ADGRV1: variants seen among roughly 807,000 people sequenced by gnomAD.
The protein encoded by ADGRV1 is adhesion G protein-coupled receptor V1.
A neutral mutation model predicts 596.2 loss-of-function variants in ADGRV1; 359 were observed. The ratio of observed to expected loss-of-function variants is 0.60; its 90% CI spans 0.55 to 0.66. The LOEUF is 0.66. Among genes scored for constraint, ADGRV1 ranks in the 30% least tolerant of loss-of-function variants. The pLI is 0.00. For synonymous variants in ADGRV1, 2,681 were observed against 2,679.2 expected, an observed-to-expected ratio of 1.00 and a Z score of -0.02; for missense variants, 7,274 against 7,575.6, an observed-to-expected ratio of 0.96 and a Z score of 1.48.
At chr5:91,005,834 T>A (rs1176946711) in intron 85 of ADGRV1, among the ~76,000 whole-genome samples, 1 of 152,168 alleles carries the variant, frequency 6.6e-6, no homozygotes, top group Non-Finnish European at 1.5e-5. Context: ...ACCAGTTATA[T>A]CATTTACCCC....
chr5:90,809,185 T>C (rs573383060), intron 73 of ADGRV1, among the ~76,000 whole-genome samples: 100 of 151,738 alleles, frequency 6.6e-4, no homozygotes, highest in African/African-American at 2.3e-3. Context: ...CTCGATCTCC[T>C]GACCTCGTGA....
intron 87 of ADGRV1, among the ~76,000 whole-genome samples, chr5:91,107,933 A>C (rs1792035084): frequency 6.6e-6 from 1 of 152,190 alleles, no homozygotes; most frequent in Admixed American, 6.5e-5. Context: ...ATAAGAAAAA[A>C]TTTTGGTCTC....
chr5:90,780,767 C>T (rs918655816), intron 64 of ADGRV1, among the ~76,000 whole-genome samples: 1 of 152,030 alleles, frequency 6.6e-6, no homozygotes. Context: ...GTGGCACAAT[C>T]ATAGCTCACT....
chr5:90,568,003 A>G (rs972047805), intron 1 of ADGRV1, among the ~76,000 whole-genome samples: 18 of 151,934 alleles, frequency 1.2e-4, no homozygotes, highest in African/African-American at 4.3e-4. Context: ...CTCCCAAAGT[A>G]TTGGGATTAC....
At chr5:91,059,522 ATCTG>A (rs750628297) in intron 85 of ADGRV1, among the ~76,000 whole-genome samples, 6 of 152,206 alleles carry the variant, frequency 3.9e-5, no homozygotes, top group Non-Finnish European at 8.8e-5. Flanking sequence ...CTCTCTTGAC[ATCTG>A]TCTATCTAGC....
intron 87 of ADGRV1, among the ~76,000 whole-genome samples, chr5:91,104,863 T>TC (rs1554224650): frequency 6.9e-6 from 1 of 145,904 alleles, no homozygotes; most frequent in Non-Finnish European, 1.5e-5. Flanking sequence ...TTCTTTTCTT[T>TC]TTTTTTTTTT....
At chr5:90,875,000 A>G (rs375917175) in intron 83 of ADGRV1, among the ~76,000 whole-genome samples, 2 of 152,200 alleles carry the variant, frequency 1.3e-5, no homozygotes, top group South Asian at 2.1e-4. Flanking sequence ...AGCACTTCCT[A>G]TATTCTCAAT....
intron 85 of ADGRV1, among the ~76,000 whole-genome samples, chr5:91,060,388 A>G (rs201048278): frequency 6.4e-3 from 265 of 41,278 alleles, no homozygotes; most frequent in Non-Finnish European, 9.3e-3. Context: ...GTATATATAT[A>G]TATATATATA....
At chr5:91,036,732 A>G (rs1353500917) in intron 85 of ADGRV1, among the ~76,000 whole-genome samples, 1 of 151,994 alleles carries the variant, frequency 6.6e-6, no homozygotes, top group Non-Finnish European at 1.5e-5. Context: ...CAAAAACTAT[A>G]TATATTATTA....
At chr5:90,804,609 A>G (rs1761726272) in intron 71 of ADGRV1, among the ~76,000 whole-genome samples, 1 of 152,204 alleles carries the variant, frequency 6.6e-6, no homozygotes, top group African/African-American at 2.4e-5. Context: ...GGTATCCCAA[A>G]TTTATAGCTA....
In ADGRV1 at chr5:90,712,367, A is replaced by G; in HGVS notation, c.9123A>G (p.Glu3041=). 1 of 1,581,124 alleles carries G rather than the reference A, an allele frequency of 6.3e-7. No individual in the cohort carries two copies. The highest frequency in any genetic ancestry group is 1.2e-5 in the South Asian group (1 of 86,954). ...ILDDDIPEGD[E]KFQLILTNPS... The stretch of plus-strand genomic sequence containing the variant: ...ATGATGACATTCCAGAAGGAGATGA[A>G]AAATTTCAGCTGATTTTAACAAATC... The change falls in exon 42 of 90, where the codon GAA becomes GAG. Residue 3041 remains glutamate, a synonymous_variant. Transcript: ENST00000405460.
chr5:90,635,316 G>A, intron 10 of ADGRV1, 26 bp downstream of exon 10: 3 of 1,575,556 alleles, frequency 1.9e-6, no homozygotes, highest in South Asian at 1.2e-5. Context: ...CTTACTGATG[G>A]GGGCTAATGA....
intron 1 of ADGRV1, among the ~76,000 whole-genome samples, chr5:90,567,032 CT>C: frequency 6.6e-6 from 1 of 151,848 alleles, no homozygotes; most frequent in East Asian, 1.9e-4. Context: ...TTTTCAAGTG[CT>C]TTTTTTGTGT....
chr5:90,749,085 G>C (rs573301021), intron 52 of ADGRV1, among the ~76,000 whole-genome samples: 115 of 152,280 alleles, frequency 7.6e-4, no homozygotes, highest in Middle Eastern at 3.4e-3. Context: ...GCAGCAGATG[G>C]AGAGCACATG....
intron 85 of ADGRV1, among the ~76,000 whole-genome samples, chr5:90,994,334 A>T (rs1352974129): frequency 1.3e-5 from 2 of 152,126 alleles, no homozygotes; most frequent in African/African-American, 4.8e-5. Flanking sequence ...AAGTGCTGGG[A>T]TTACAGGCAT....
chr5:90,937,266 C>T lies in ADGRV1; in HGVS notation c.17857-28149C>T, dbSNP rs530422526. Among the ~76,000 whole-genome samples, 4 of 152,112 alleles carry T rather than the reference C, an allele frequency of 2.6e-5. No homozygotes were observed. The South Asian group carries it at 8.3e-4, about 32-fold the overall frequency. On this transcript the variant is annotated intron_variant, in intron 83 of 89. Transcript: ENST00000405460. Reference sequence around the variant, plus strand: ...ATATACTTTTACTATTTCCTTCATTCGCTTTTTCTGGAAGATTTGTTGGAG... The same window carrying T: ...ATATACTTTTACTATTTCCTTCATTTGCTTTTTCTGGAAGATTTGTTGGAG...
At chr5:91,055,385 G>C (rs1362588510) in intron 85 of ADGRV1, among the ~76,000 whole-genome samples, 1 of 100,222 alleles carries the variant, frequency 1.0e-5, no homozygotes, top group African/African-American at 3.1e-5. Context: ...AAACCAATTT[G>C]CATACTAAAG....
rs567220999 is a variant in ADGRV1 at position 90,708,865 on chromosome 5, T to C, written c.8780T>C (p.Val2927Ala). Reference sequence around the variant, plus strand: ...TATTTCCTGGTGAATTTAACTTACGTTGGACTTACCATGGCTGCTTCAACT... The same window carrying C: ...TATTTCCTGGTGAATTTAACTTACGCTGGACTTACCATGGCTGCTTCAACT... Reference protein sequence around the residue: ...EEYFLVNLTYVGLTMAASTSF... With the variant: ...EEYFLVNLTYAGLTMAASTSF... Residue 2927 changes from valine (V) to alanine (A), a missense_variant, in exon 39 of 90, where the codon GTT (valine) becomes GCT (alanine). This residue lies in a region of ADGRV1 where 3,643 missense variants were observed against 3,809.2 expected (regional missense o/e 0.96). Transcript: ENST00000405460. 6.2e-6 allele frequency: 10 copies of C among 1,612,678 alleles called. No individual in the cohort carries two copies. Among genetic ancestry groups the C allele is most frequent in the South Asian group, 4.4e-5 (4 of 90,976 alleles).
Position 90,728,898 on chromosome 5 carries a change from A to T in ADGRV1, c.10391A>T (p.Asp3464Val). The T allele has an allele frequency of 1.2e-6, 2 of 1,612,786 alleles. No homozygotes were observed. The highest frequency in any genetic ancestry group is 1.7e-6 in the Non-Finnish European group (2 of 1,179,426). ...TEVEALSSAN[D>V]IYLIFAENVF... ...GTTGAGGCTTTGTCTTCAGCCAATG[A>T]TATTTACCTAATATTTGCCGAAAAT... Residue 3464 changes from aspartate to valine, a missense_variant, in exon 49 of 90, where the codon GAT becomes GTT. Physicochemically the swap from Asp to Val is radical, Grantham distance 152. Coordinates refer to ENST00000405460, the MANE Select transcript of ADGRV1 (RefSeq NM_032119.4).
Sources: allele counts gnomAD v4.1 joint callset (sites outside exome capture counted in the v4.1 genomes callset), GRCh38; gene constraint gnomAD v4.1.1; regional missense constraint gnomAD v4.1.1; transcripts MANE v1.5; gene names NCBI Gene and HGNC (gene_info 2026-07-23, HGNC 2026-07-21).